PSD3: variants seen among roughly 807,000 people sequenced by gnomAD.
PSD3 encodes pleckstrin and Sec7 domain containing 3.
A neutral mutation model predicts 105.5 loss-of-function variants in PSD3; 49 were observed. The observed-to-expected ratio is 0.46, with a 90% confidence interval of 0.37 to 0.59. The LOEUF is 0.59. Ranked by LOEUF, PSD3 falls within the 20% of genes least tolerant of loss-of-function variation. PSD3 has a pLI of 0.00. For missense variants in PSD3, 1,561 were observed against 1,263.8 expected (o/e 1.24, Z -3.57); for synonymous variants, 557 against 457.8 (o/e 1.22, Z -2.77).
At chr8:18,735,634 T>C (rs1804095956) in intron 9 of PSD3, among the ~76,000 whole-genome samples, 1 of 152,158 alleles carries the variant, frequency 6.6e-6, no homozygotes, top group Non-Finnish European at 1.5e-5. Flanking sequence ...CAACCTCAAG[T>C]GGGTAAGCCT....
intron 14 of PSD3, among the ~76,000 whole-genome samples, chr8:18,564,868 G>A (rs1444142306): frequency 6.6e-6 from 1 of 152,062 alleles, no homozygotes; most frequent in Non-Finnish European, 1.5e-5. Flanking sequence ...ATCAAGCATA[G>A]GACTGCTTTG....
chr8:18,943,643 A>T (rs1434969876), intron 1 of PSD3, among the ~76,000 whole-genome samples: 1 of 152,150 alleles, frequency 6.6e-6, no homozygotes, highest in Non-Finnish European at 1.5e-5. Context: ...AGGAATGGTT[A>T]TCAAGCACTT....
intron 4 of PSD3, among the ~76,000 whole-genome samples, chr8:18,812,597 T>C (rs1026638238): frequency 1.3e-5 from 2 of 152,124 alleles, no homozygotes; most frequent in Non-Finnish European, 2.9e-5. Flanking sequence ...AGAATAGTAG[T>C]TAAGTTTTAG....
chr8:18,941,981 T>C (rs889764376), intron 1 of PSD3, among the ~76,000 whole-genome samples: 3 of 152,136 alleles, frequency 2.0e-5, no homozygotes, highest in East Asian at 3.9e-4. Context: ...CAGCCTAGAA[T>C]GATTCTTTTA....
chr8:18,703,767 T>C (rs1801727830), intron 9 of PSD3, among the ~76,000 whole-genome samples: 1 of 152,134 alleles, frequency 6.6e-6, no homozygotes, highest in Non-Finnish European at 1.5e-5. Flanking sequence ...TGAGAATATA[T>C]AACACTAAGC....
At chr8:18,734,973 C>T (rs1365562451) in intron 9 of PSD3, among the ~76,000 whole-genome samples, 5 of 152,180 alleles carry the variant, frequency 3.3e-5, no homozygotes, top group Admixed American at 2.6e-4. Context: ...CAAGTCCTCA[C>T]ATCAAAGACT....
rs143500138 is a variant in PSD3 at position 18,813,753 on chromosome 8, G to C, written c.1635-8855C>G. Among the ~76,000 whole-genome samples, 410 of 152,280 alleles carry C rather than the reference G, an allele frequency of 2.7e-3. 3 individuals carry two copies. The highest frequency in any genetic ancestry group is 8.9e-3 in the African/African-American group (368 of 41,564). ...ACCTTAGGTAGGTAAGGTCATCATT[G>C]TCTGTAACCCTTAAGGTTTTTAGCT... On this transcript the variant is annotated intron_variant, in intron 4 of 15. Coordinates refer to ENST00000327040, the MANE Select transcript of PSD3 (RefSeq NM_015310.4).
rs913332055 is a variant in PSD3 at position 18,550,302 on chromosome 8, T to A, written c.2928+5907A>T. Among the ~76,000 whole-genome samples, 3 of 152,232 alleles carry A rather than the reference T, an allele frequency of 2.0e-5. No individual in the cohort carries two copies. In the South Asian group the frequency reaches 6.2e-4, roughly 31 times the overall value. On this transcript the variant is annotated intron_variant, in intron 15 of 15. Transcript: ENST00000327040. ...TTCTCTTCAAAAGCAGCTGTTATCA[T>A]TTAAAGATTAAAATTCAGAGCTCTT...
chr8:18,763,245 C>G (rs1806689973), intron 9 of PSD3, among the ~76,000 whole-genome samples: 1 of 152,066 alleles, frequency 6.6e-6, no homozygotes, highest in South Asian at 2.1e-4. Flanking sequence ...AATATTGAAT[C>G]TAGCAGTTTC....
intron 2 of PSD3, among the ~76,000 whole-genome samples, chr8:18,881,957 C>A (rs1307233685): frequency 6.6e-6 from 1 of 152,146 alleles, no homozygotes. Flanking sequence ...CCTGTAATCC[C>A]AACCCTTTGG....
chr8:18,925,517 A>G (rs1374693276), intron 2 of PSD3, among the ~76,000 whole-genome samples: 4 of 152,134 alleles, frequency 2.6e-5, no homozygotes, highest in Non-Finnish European at 4.4e-5. Context: ...CAGGTTGAGC[A>G]TCCCTAACCA....
chr8:18,636,273 T>G (rs1403609216), intron 10 of PSD3, among the ~76,000 whole-genome samples: 1 of 50,582 alleles, frequency 2.0e-5, no homozygotes, highest in Non-Finnish European at 4.0e-5. Flanking sequence ...TTTAACAATT[T>G]TTTTAACAAA....
rs190122257 is a variant in PSD3 at position 18,975,559 on chromosome 8, G to A, written c.21+38004C>T. ...TATCCATAAGATTAAAATAGAAAGA[G>A]TAAAAGAGATAACAAGTATAAAGGT... On this transcript the variant is annotated intron_variant, in intron 1 of 15. Transcript: ENST00000327040. 2.6e-3 allele frequency among the ~76,000 whole-genome samples: 400 copies of A among 152,260 alleles called. 2 individuals carry two copies. Among genetic ancestry groups the A allele is most frequent in the African/African-American group, 9.1e-3 (380 of 41,562 alleles).
intron 1 of PSD3, among the ~76,000 whole-genome samples, chr8:19,059,892 G>A (rs1015317686): frequency 9.8e-5 from 15 of 152,292 alleles, no homozygotes; most frequent in African/African-American, 3.6e-4. Context: ...ATAACCACTG[G>A]AACTTCTGGC....
chr8:18,584,688 G>A (rs750004606), intron 12 of PSD3, among the ~76,000 whole-genome samples: 5 of 152,180 alleles, frequency 3.3e-5, no homozygotes, highest in Non-Finnish European at 7.3e-5. Flanking sequence ...GCTCTGATCT[G>A]GGAGTGGTTA....
chr8:18,567,649 C>T (rs902563660), intron 14 of PSD3, among the ~76,000 whole-genome samples: 3 of 152,020 alleles, frequency 2.0e-5, no homozygotes, highest in Non-Finnish European at 4.4e-5. Context: ...ACCACAGATT[C>T]TTCCTTCTTA....
At chr8:18,622,953 G>A (rs916070011) in intron 11 of PSD3, among the ~76,000 whole-genome samples, 6 of 152,142 alleles carry the variant, frequency 3.9e-5, no homozygotes, top group Non-Finnish European at 5.9e-5. Flanking sequence ...ATATCTAAAT[G>A]TGAGTAACCA....
rs1018924863 is a variant in PSD3 at position 18,576,091 on chromosome 8, T to C, written c.2482-806A>G. Among the ~76,000 whole-genome samples the C allele has an allele frequency of 2.6e-5, 4 of 152,150 alleles. No homozygotes were observed. In the East Asian group the frequency reaches 7.7e-4, roughly 29 times the overall value. ...CTAAAGAAAGATATTGTCTGTTTTCTTATCAGTCTGCTTTTACAAATTTTC... is the reference window on the plus strand; with the variant it reads ...CTAAAGAAAGATATTGTCTGTTTTCCTATCAGTCTGCTTTTACAAATTTTC... On this transcript the variant is annotated intron_variant, in intron 12 of 15. Coordinates refer to ENST00000327040, the MANE Select transcript of PSD3 (RefSeq NM_015310.4).
chr8:19,034,249 G>C (rs970086810), intron 1 of PSD3, among the ~76,000 whole-genome samples: 1 of 152,174 alleles, frequency 6.6e-6, no homozygotes, highest in East Asian at 1.9e-4. Context: ...ATAACATTGT[G>C]TTACAGCCTA....
Sources: gnomAD v4.1 joint callset for allele counts (sites outside exome capture counted in the v4.1 genomes callset) on GRCh38, gnomAD v4.1.1 for gene constraint, MANE v1.5 for transcripts, NCBI Gene and HGNC (gene_info 2026-07-23, HGNC 2026-07-21) for gene names.